EDNRA: variants seen among roughly 807,000 people sequenced by gnomAD.
EDNRA encodes the protein endothelin-1 receptor.
EDNRA carries 11 observed loss-of-function variants against 41.4 expected under a neutral mutation model. That is an observed-to-expected ratio of 0.27 (90% CI 0.17 to 0.44). The LOEUF is 0.44. Among genes scored for constraint, EDNRA ranks in the 20% least tolerant of loss-of-function variants. The probability of loss-of-function intolerance (pLI) is 1.00; values close to 1 mark genes in which losing one functional copy is unlikely to be tolerated. For synonymous variants in EDNRA, 172 were observed against 183.0 expected (o/e 0.94, Z 0.49); for missense variants, 294 against 531.0 (o/e 0.55, Z 4.39).
intron 3 of EDNRA, among the ~76,000 whole-genome samples, chr4:147,523,503 T>G (rs1391473480): frequency 6.7e-6 from 1 of 148,984 alleles, no homozygotes; most frequent in African/African-American, 2.6e-5. Flanking sequence ...TTTTGTTTTT[T>G]TTTTTGAGAT....
chr4:147,494,119 T>G (rs1729228235), intron 2 of EDNRA: 1 of 152,174 alleles, frequency 6.6e-6, no homozygotes, highest in Non-Finnish European at 1.5e-5. Flanking sequence ...AAATTTATAC[T>G]AGAAGGCAAT....
chr4:147,537,589 TATTA>T (rs1396039144), intron 5 of EDNRA, among the ~76,000 whole-genome samples: 1 of 142,290 alleles, frequency 7.0e-6, no homozygotes, highest in Non-Finnish European at 1.5e-5. Context: ...TTTGGAATAA[TATTA>T]ATTATTTAAT....
chr4:147,482,721 G>A (rs10305856), intron 1 of EDNRA, among the ~76,000 whole-genome samples: 3 of 152,152 alleles, frequency 2.0e-5, no homozygotes, highest in Admixed American at 2.0e-4. Flanking sequence ...AGGAAGGAAG[G>A]GGGTTTTAAT....
At chr4:147,493,333 C>G (rs1578777993) in intron 2 of EDNRA, 1 of 152,158 alleles carries the variant, frequency 6.6e-6, no homozygotes, top group East Asian at 1.9e-4. Context: ...AGCAGAAGTT[C>G]AGGCCATTTT....
At chr4:147,520,015 T>C in intron 3 of EDNRA, 37 bp downstream of exon 3, 1 of 1,573,264 alleles carries the variant, frequency 6.4e-7, no homozygotes, top group South Asian at 1.2e-5. Flanking sequence ...TTGGCTGGGC[T>C]TAGAAAAGCA....
chr4:147,504,779 T>A (rs6537482), intron 2 of EDNRA, among the ~76,000 whole-genome samples: 71,047 of 150,642 alleles, frequency 0.47, 20,864 homozygotes, highest in African/African-American at 0.84. Flanking sequence ...ACATGGCAAA[T>A]CTCCATCTCT....
At chr4:147,511,839 C>T (rs546178869) in intron 2 of EDNRA, among the ~76,000 whole-genome samples, 14 of 152,170 alleles carry the variant, frequency 9.2e-5, no homozygotes, top group African/African-American at 3.1e-4. Context: ...ATTGTCTGTC[C>T]GGGTCAAAGC....
chr4:147,487,699 T>C (rs1004774512), intron 2 of EDNRA, among the ~76,000 whole-genome samples: 1 of 152,186 alleles, frequency 6.6e-6, no homozygotes, highest in East Asian at 1.9e-4. Flanking sequence ...AATTTTGACA[T>C]TGCAAATAAA....
chr4:147,536,233 C>G (rs1458565919), intron 5 of EDNRA, among the ~76,000 whole-genome samples: 1 of 152,128 alleles, frequency 6.6e-6, no homozygotes, highest in Non-Finnish European at 1.5e-5. Context: ...GTCCTGAAGG[C>G]TGGGCCCAAA....
chr4:147,484,525 C>T (rs1216073424), intron 1 of EDNRA, among the ~76,000 whole-genome samples: 1 of 152,094 alleles, frequency 6.6e-6, no homozygotes, highest in Non-Finnish European at 1.5e-5. Context: ...CTCTGTTTCC[C>T]TATCTTCAAA....
At chr4:147,525,206 C>A (rs1335706465) in intron 3 of EDNRA, among the ~76,000 whole-genome samples, 2 of 152,202 alleles carry the variant, frequency 1.3e-5, no homozygotes, top group African/African-American at 4.8e-5. Context: ...ATCTAGCTTT[C>A]TCACTATCAG....
rs569303692 is a variant in EDNRA, at chr4:147,544,675, A to G, written c.*2057A>G. 1 of 152,524 alleles carries G rather than the reference A, an allele frequency of 6.6e-6. No individual in the cohort carries two copies. The highest frequency in any genetic ancestry group is 2.1e-4 in the South Asian group (1 of 4,828). 9.4% of individuals were successfully genotyped at this position (152,524 alleles called of 1,614,324 possible). ...CCTATAATATAAGCCATAGGTTCAC[A>G]CCATTTTGTTTAGACAATTGTCTTT... On this transcript the variant is annotated 3_prime_UTR_variant, in exon 8 of 8. Transcript: ENST00000651419.
chr4:147,482,107 G>C (rs1728782070), intron 1 of EDNRA, among the ~76,000 whole-genome samples: 1 of 152,182 alleles, frequency 6.6e-6, no homozygotes, highest in Admixed American at 6.5e-5. Context: ...CTTAACCAGA[G>C]AGCAAAACCT....
chr4:147,504,954 T>A (rs1729636714), intron 2 of EDNRA, among the ~76,000 whole-genome samples: 1 of 46,796 alleles, frequency 2.1e-5, no homozygotes, highest in South Asian at 7.7e-4. Context: ...TGGGACCCTG[T>A]CTCAAAAAAA....
chr4:147,540,088 A>G, intron 6 of EDNRA, 138 bp downstream of exon 6: 3 of 1,236,654 alleles, frequency 2.4e-6, no homozygotes, highest in Non-Finnish European at 3.3e-6. Flanking sequence ...TCTTTAGCTG[A>G]CATAGCCTAT....
chr4:147,523,330 A>G (rs1002593252), intron 3 of EDNRA, among the ~76,000 whole-genome samples: 1 of 152,230 alleles, frequency 6.6e-6, no homozygotes, highest in Non-Finnish European at 1.5e-5. Flanking sequence ...AAAATAGGTC[A>G]AAGAAATATA....
chr4:147,498,844 A>G (rs1259252382), intron 2 of EDNRA, among the ~76,000 whole-genome samples: 1 of 152,132 alleles, frequency 6.6e-6, no homozygotes, highest in Non-Finnish European at 1.5e-5. Context: ...AACTCAAGCA[A>G]TTCTCTTACC....
intron 3 of EDNRA, among the ~76,000 whole-genome samples, chr4:147,523,592 G>A (rs906239309): frequency 1.3e-5 from 2 of 151,146 alleles, no homozygotes; most frequent in Non-Finnish European, 2.9e-5. Flanking sequence ...CCAGGTTCAC[G>A]CCATTCTCCT....
At position 147,532,194 on chromosome 4, in the gene EDNRA, C is replaced by T. The variant is rs1478380681; in HGVS notation, c.549-312C>T. Among the ~76,000 whole-genome samples, 867 of 147,172 alleles carry T rather than the reference C, an allele frequency of 5.9e-3. 4 individuals are homozygous for T. The highest frequency in any genetic ancestry group is 0.022 in the Middle Eastern group (6 of 278). On this transcript the variant is annotated intron_variant, in intron 3 of 7. Transcript: ENST00000651419. ...ACAAAAAATTAGCCGGGCGTGGTGG[C>T]AGGCGCCTGTAGTCCCAGCTACTCG...
Sources: gnomAD v4.1 joint callset for allele counts (sites outside exome capture counted in the v4.1 genomes callset) on GRCh38, gnomAD v4.1.1 for gene constraint, MANE v1.5 for transcripts, NCBI Gene and HGNC (gene_info 2026-07-23, HGNC 2026-07-21) for gene names.